ZNF892: variants seen among roughly 807,000 people sequenced by gnomAD.
ZNF892 encodes the protein zinc finger protein 892, also known as zinc finger protein 570-like.
the ZNF892 span, among the ~76,000 whole-genome samples, chr2:95,235,578 G>C: frequency 6.6e-6 from 1 of 152,086 alleles, no homozygotes. Flanking sequence ...AGCCAGGATG[G>C]TCTTGATCTC....
the ZNF892 span, among the ~76,000 whole-genome samples, chr2:95,239,869 A>T: frequency 6.6e-6 from 1 of 152,312 alleles, no homozygotes; most frequent in South Asian, 2.1e-4. Flanking sequence ...ACCTCAGGTG[A>T]TCCACCCACC....
chr2:95,228,093 C>T, the ZNF892 span, among the ~76,000 whole-genome samples: 1 of 152,162 alleles, frequency 6.6e-6, no homozygotes, highest in South Asian at 2.1e-4. Context: ...CTTTAGTTTC[C>T]TTCAGTCTGG....
the ZNF892 span, among the ~76,000 whole-genome samples, chr2:95,226,842 A>G: frequency 2.6e-5 from 4 of 152,046 alleles, no homozygotes; most frequent in African/African-American, 9.7e-5. Flanking sequence ...TAAGGGTCTC[A>G]ATCCACTGTG....
the ZNF892 span, among the ~76,000 whole-genome samples, chr2:95,249,538 T>C: frequency 1.3e-5 from 2 of 151,844 alleles, no homozygotes; most frequent in African/African-American, 4.8e-5. Context: ...TGAGTCACAG[T>C]GCCCGGCCTT....
chr2:95,219,575 C>A, the ZNF892 span, among the ~76,000 whole-genome samples: 2 of 152,246 alleles, frequency 1.3e-5, 1 homozygote. Context: ...GTGTTGACAT[C>A]TTTGGGTTAT....
the ZNF892 span, chr2:95,215,097 C>T: frequency 2.0e-6 from 1 of 500,546 alleles, no homozygotes; most frequent in East Asian, 3.1e-5. Flanking sequence ...TCAGGTCATT[C>T]ACACTGGAGA....
chr2:95,230,962 A>T, the ZNF892 span, among the ~76,000 whole-genome samples: 16 of 152,284 alleles, frequency 1.1e-4, no homozygotes, highest in Non-Finnish European at 2.2e-4. Context: ...CTTCCAACCT[A>T]AAAAAATATA....
the ZNF892 span, among the ~76,000 whole-genome samples, chr2:95,212,000 G>C: frequency 6.6e-6 from 1 of 152,180 alleles, no homozygotes; most frequent in Non-Finnish European, 1.5e-5. Flanking sequence ...GAGAATGGAT[G>C]CTTATTCTTT....
chr2:95,253,132 T>C, the ZNF892 span, among the ~76,000 whole-genome samples: 1 of 152,254 alleles, frequency 6.6e-6, no homozygotes, highest in Non-Finnish European at 1.5e-5. Context: ...TGCCATTGCT[T>C]GGTGTTTTAG....
the ZNF892 span, among the ~76,000 whole-genome samples, chr2:95,228,094 T>A: frequency 6.6e-6 from 1 of 152,248 alleles, no homozygotes; most frequent in Non-Finnish European, 1.5e-5. Flanking sequence ...TTTAGTTTCC[T>A]TCAGTCTGGA....
the ZNF892 span, among the ~76,000 whole-genome samples, chr2:95,250,878 T>A: frequency 2.7e-5 from 4 of 147,314 alleles, no homozygotes; most frequent in African/African-American, 7.4e-5. Flanking sequence ...AAATAAATAT[T>A]ACATATTAAT....
the ZNF892 span, among the ~76,000 whole-genome samples, chr2:95,237,044 T>C: frequency 6.6e-6 from 1 of 152,170 alleles, no homozygotes; most frequent in Non-Finnish European, 1.5e-5. Context: ...CAGCATGTGC[T>C]CCCTTCGTGT....
chr2:95,249,643 A>G, the ZNF892 span, among the ~76,000 whole-genome samples: 1 of 152,120 alleles, frequency 6.6e-6, no homozygotes, highest in Non-Finnish European at 1.5e-5. Flanking sequence ...ATCCTGTAGT[A>G]TACCAGCACA....
the ZNF892 span, among the ~76,000 whole-genome samples, chr2:95,206,757 AC>A: frequency 6.6e-6 from 1 of 152,238 alleles, no homozygotes; most frequent in Admixed American, 6.5e-5. Context: ...GGATCTGCTT[AC>A]ACAGGTCAAC....
chr2:95,225,634 G>C, the ZNF892 span, among the ~76,000 whole-genome samples: 2 of 152,160 alleles, frequency 1.3e-5, no homozygotes, highest in African/African-American at 4.8e-5. Flanking sequence ...TTCCACCCCA[G>C]CTCCCCAAAA....
chr2:95,263,483 C>T, the ZNF892 span, among the ~76,000 whole-genome samples: 2 of 152,268 alleles, frequency 1.3e-5, no homozygotes, highest in African/African-American at 4.8e-5. Context: ...AATACAGAAA[C>T]CTGATCACTT....
At chr2:95,244,905 A>G in the ZNF892 span, among the ~76,000 whole-genome samples, 3 of 152,218 alleles carry the variant, frequency 2.0e-5, no homozygotes, top group Admixed American at 6.5e-5. Flanking sequence ...CCACACAACT[A>G]CATGGAAGCT....
At chr2:95,248,831 G>T in the ZNF892 span, among the ~76,000 whole-genome samples, 1 of 151,888 alleles carries the variant, frequency 6.6e-6, no homozygotes, top group African/African-American at 2.4e-5. Flanking sequence ...TTTTATTTTG[G>T]AATAACCGGT....
At chr2:95,251,715 G>A in the ZNF892 span, among the ~76,000 whole-genome samples, 6 of 152,232 alleles carry the variant, frequency 3.9e-5, no homozygotes, top group Admixed American at 2.0e-4. Context: ...GACCACTTGC[G>A]TCCCTATCTG....
Sources: allele counts gnomAD v4.1 joint callset (sites outside exome capture counted in the v4.1 genomes callset), GRCh38; gene constraint gnomAD v4.1.1; transcripts MANE v1.5; gene names NCBI Gene and HGNC (gene_info 2026-07-23, HGNC 2026-07-21).